Variants in COL11A1 observed in about 807,000 individuals in gnomAD.
The protein encoded by COL11A1 is collagen type XI alpha 1 chain, also known as collagen alpha-1(XI) chain.
A neutral mutation model predicts 265.2 loss-of-function variants in COL11A1; 74 were observed. The ratio of observed to expected loss-of-function variants is 0.28; its 90% CI spans 0.23 to 0.34. COL11A1 has a LOEUF of 0.34. COL11A1 is among the 10% of genes least tolerant of loss of function. The pLI is 1.00. For missense variants in COL11A1, 2,165 were observed against 2,263.6 expected, an observed-to-expected ratio of 0.96 and a Z score of 0.88; for synonymous variants, 816 against 727.6, an observed-to-expected ratio of 1.12 and a Z score of -1.96.
chr1:102,936,647 A>G (rs1018835195), intron 44 of COL11A1, among the ~76,000 whole-genome samples: 2 of 152,210 alleles, frequency 1.3e-5, no homozygotes, highest in African/African-American at 4.8e-5. Context: ...AATTGTGTCA[A>G]CACTTTGAGG....
intron 4 of COL11A1, among the ~76,000 whole-genome samples, chr1:103,066,768 G>A (rs545489071): frequency 2.0e-5 from 3 of 151,854 alleles, no homozygotes; most frequent in East Asian, 1.9e-4. Context: ...ATAAAAAAAG[G>A]CCCCCCAGTA....
At chr1:102,927,333 G>A (rs1167112900) in intron 46 of COL11A1, among the ~76,000 whole-genome samples, 1 of 152,020 alleles carries the variant, frequency 6.6e-6, no homozygotes, top group African/African-American at 2.4e-5. Flanking sequence ...GGATCACTAG[G>A]AAGAGACAGA....
intron 47 of COL11A1, 43 bp from the exon 48 acceptor site, chr1:102,921,614 A>T: frequency 6.8e-7 from 1 of 1,481,198 alleles, no homozygotes; most frequent in South Asian, 1.2e-5. Context: ...CCAAATTCAA[A>T]TGTGTTTCCA....
At chr1:102,981,549 A>C (rs1049141968) in intron 31 of COL11A1, among the ~76,000 whole-genome samples, 4 of 152,068 alleles carry the variant, frequency 2.6e-5, no homozygotes, top group African/African-American at 9.7e-5. Flanking sequence ...AATTGATAGA[A>C]AACACAGAAA....
At chr1:102,979,285 C>T (rs2101683212) in intron 32 of COL11A1, 97 bp downstream of exon 32, 14 of 1,248,408 alleles carry the variant, frequency 1.1e-5, no homozygotes, top group Non-Finnish European at 1.5e-5. Flanking sequence ...CAATCCTCCA[C>T]CTGAGCCTCA....
At chr1:102,931,921 C>CT (rs1288768903) in intron 46 of COL11A1, among the ~76,000 whole-genome samples, 1 of 151,026 alleles carries the variant, frequency 6.6e-6, no homozygotes, top group Non-Finnish European at 1.5e-5. Flanking sequence ...CAAGCCCTGC[C>CT]TTTTTTTGTT....
At chr1:102,999,272 A>G (rs1247041165) in intron 24 of COL11A1, among the ~76,000 whole-genome samples, 2 of 151,992 alleles carry the variant, frequency 1.3e-5, no homozygotes, top group Admixed American at 1.3e-4. Flanking sequence ...GAAAATTTCA[A>G]CCAAATCAGC....
intron 1 of COL11A1, among the ~76,000 whole-genome samples, chr1:103,102,251 G>A (rs72987888): frequency 2.0e-5 from 3 of 151,888 alleles, no homozygotes; most frequent in Non-Finnish European, 4.4e-5. Context: ...AATACCTTTA[G>A]GTTTTGAATT....
At chr1:102,910,472 T>C (rs1654521345) in intron 54 of COL11A1, among the ~76,000 whole-genome samples, 1 of 152,132 alleles carries the variant, frequency 6.6e-6, no homozygotes, top group South Asian at 2.1e-4. Flanking sequence ...AAGCTGCCAA[T>C]ATGTAATAGA....
intron 1 of COL11A1, among the ~76,000 whole-genome samples, chr1:103,089,312 A>T (rs1057205899): frequency 6.6e-6 from 1 of 152,008 alleles, no homozygotes; most frequent in African/African-American, 2.4e-5. Flanking sequence ...ATTCTAGGAG[A>T]TTTATTCTTA....
intron 56 of COL11A1, 117 bp from the exon 57 acceptor site, chr1:102,898,295 C>T: frequency 2.4e-6 from 1 of 416,406 alleles, no homozygotes; most frequent in East Asian, 6.2e-5. Flanking sequence ...CCTTAAGTTC[C>T]ACCATATGGA....
chr1:103,099,331 A>G (rs1674046285), intron 1 of COL11A1, among the ~76,000 whole-genome samples: 1 of 151,658 alleles, frequency 6.6e-6, no homozygotes, highest in East Asian at 1.9e-4. Flanking sequence ...ACTTCATAAT[A>G]TAATAATTCC....
intron 4 of COL11A1, among the ~76,000 whole-genome samples, chr1:103,051,581 G>T (rs1669831995): frequency 6.6e-6 from 1 of 152,146 alleles, no homozygotes; most frequent in Admixed American, 6.5e-5. Flanking sequence ...CCTTGCTTCG[G>T]CTTATGCATG....
At chr1:102,949,020 T>C (rs531407974) in intron 41 of COL11A1, among the ~76,000 whole-genome samples, 30 of 151,834 alleles carry the variant, frequency 2.0e-4, no homozygotes, top group Non-Finnish European at 3.7e-4. Flanking sequence ...AAGAGCAAGG[T>C]CTATGAATTG....
chr1:103,082,893 T>G lies in COL11A1; in HGVS notation c.186A>C (p.Thr62=), dbSNP rs781635585. ...EGISKTTGFC[T]NRKNSKGSDT... ...CTGAGCCTTTAGAATTCTTTCTGTT[T>G]GTGCAAAATCCCGTTGTTTTTGATA... Residue 62 remains threonine (T), a synonymous_variant, in exon 2 of 67, where the codon ACA becomes ACC. Coordinates refer to ENST00000370096, the MANE Select transcript of COL11A1 (RefSeq NM_001854.4). The G allele has an allele frequency of 6.2e-7, 1 of 1,613,744 alleles. No homozygotes were observed. The highest frequency in any genetic ancestry group is 1.1e-5 in the South Asian group (1 of 91,066).
intron 54 of COL11A1, among the ~76,000 whole-genome samples, chr1:102,902,683 A>G (rs990284786): frequency 2.0e-5 from 3 of 151,726 alleles, no homozygotes; most frequent in African/African-American, 7.2e-5. Context: ...AAATTTTAAG[A>G]GGATTTATAA....
intron 1 of COL11A1, among the ~76,000 whole-genome samples, chr1:103,085,181 T>A (rs1382265870): frequency 6.6e-6 from 1 of 152,222 alleles, no homozygotes; most frequent in East Asian, 1.9e-4. Flanking sequence ...ATTTATTATG[T>A]GCATTTGGAT....
At chr1:102,898,916 T>A in intron 55 of COL11A1, 25 bp downstream of exon 55, 4 of 1,163,036 alleles carry the variant, frequency 3.4e-6, no homozygotes, top group East Asian at 5.7e-5. Context: ...TAATATATAT[T>A]ATGTATATAT....
chr1:103,047,759 T>A (rs1450771531), intron 4 of COL11A1, among the ~76,000 whole-genome samples: 3 of 152,192 alleles, frequency 2.0e-5, no homozygotes, highest in Non-Finnish European at 4.4e-5. Context: ...TAGCTCTTAT[T>A]ATTTTGAGAT....
Sources: allele counts gnomAD v4.1 joint callset (sites outside exome capture counted in the v4.1 genomes callset), GRCh38; gene constraint gnomAD v4.1.1; transcripts MANE v1.5; gene names NCBI Gene and HGNC (gene_info 2026-07-23, HGNC 2026-07-21).